Variants in MID1 observed in about 807,000 individuals in gnomAD.
MID1 encodes the protein midline 1.
A neutral mutation model predicts 40.4 loss-of-function variants in MID1; 7 were observed. That is an observed-to-expected ratio of 0.17 (90% CI 0.10 to 0.33). The LOEUF (loss-of-function observed/expected upper bound fraction) is 0.33, where lower values mean the gene tolerates loss of function less well. MID1 is among the 10% of genes least tolerant of loss of function. The pLI is 1.00. For missense variants in MID1, 367 were observed against 558.5 expected (o/e 0.66, Z 3.46); for synonymous variants, 229 against 221.2 (o/e 1.04, Z -0.31).
At chrX:10,712,728 T>C (rs2043277426) in intron 1 of MID1, among the ~76,000 whole-genome samples, 1 of 111,947 alleles carries the variant, frequency 8.9e-6, no homozygotes, top group African/African-American at 3.2e-5. Flanking sequence ...AGCAGGAGCA[T>C]CACCTGGGAA....
intron 1 of MID1, among the ~76,000 whole-genome samples, chrX:10,756,300 T>C (rs2043632498): frequency 8.9e-6 from 1 of 112,624 alleles, no homozygotes; most frequent in Admixed American, 9.4e-5. Flanking sequence ...TGTAATGTAA[T>C]CATACACAAG....
At chrX:10,638,130 ATATTC>A (rs1936141619) in intron 1 of MID1, among the ~76,000 whole-genome samples, 1 of 111,816 alleles carries the variant, frequency 8.9e-6, no homozygotes. Context: ...AGCTCCCAGC[ATATTC>A]CAACTGAGGT....
rs182804610 is a variant in MID1 at position 10,667,698 on chromosome X, C to A, written c.-186-47279G>T. 3.6e-5 allele frequency among the ~76,000 whole-genome samples: 4 copies of A among 111,206 alleles called. No homozygotes were observed. In the East Asian group the frequency reaches 1.1e-3, roughly 31 times the overall value. ...GGGACCAGAATCGCAATGATTAATT[C>A]GCTGCTTGAGTAATTTCCCCAAAGC... On this transcript the variant is annotated intron_variant, in intron 1 of 10. Coordinates refer to the MID1 transcript ENST00000380785.
chrX:10,672,156 T>C (rs1261209029), intron 1 of MID1, among the ~76,000 whole-genome samples: 1 of 110,095 alleles, frequency 9.1e-6, no homozygotes, highest in African/African-American at 3.3e-5. Context: ...CCACAGGAAG[T>C]TGAGGCTGCA....
chrX:10,643,524 G>A (rs995892167), intron 1 of MID1, among the ~76,000 whole-genome samples: 2 of 112,039 alleles, frequency 1.8e-5, no homozygotes, highest in Non-Finnish European at 3.8e-5. Context: ...AACAGGTGCT[G>A]GAGAGCATGT....
At position 10,679,048 on chromosome X, in the gene MID1, C is replaced by A. The variant is rs974145879; in HGVS notation, c.-186-58629G>T. Among the ~76,000 whole-genome samples, 13 of 111,925 alleles carry A rather than the reference C, an allele frequency of 1.2e-4. No homozygotes were observed. In the East Asian group the frequency reaches 3.6e-3, roughly 31 times the overall value. ...CCCACTTCTAGGCACCTATTCTACA[C>A]AATCACCAGAGAAAGCAAGAAATGT... is the stretch of plus-strand genomic sequence containing the variant. On this transcript the variant is annotated intron_variant, in intron 1 of 10. Coordinates refer to the MID1 transcript ENST00000380785.
At chrX:10,580,098 T>C (rs1346977821) in intron 1 of MID1, among the ~76,000 whole-genome samples, 2 of 94,102 alleles carry the variant, frequency 2.1e-5, no homozygotes, top group East Asian at 6.1e-4. Context: ...AAAATTAGGT[T>C]ATCATTAAAA....
intron 9 of MID1, among the ~76,000 whole-genome samples, chrX:10,454,385 A>G (rs972603290): frequency 1.8e-5 from 2 of 112,204 alleles, no homozygotes; most frequent in Non-Finnish European, 3.7e-5. Flanking sequence ...GGAAAGGACC[A>G]GAAAGTAAGT....
chrX:10,587,300 G>C lies in MID1; in HGVS notation c.-56-19697C>G, dbSNP rs1402748946. On this transcript the variant is annotated intron_variant, in intron 1 of 9. Transcript: ENST00000317552. The stretch of plus-strand genomic sequence containing the variant: ...CACACATCCGCGTGAGGATGAACAA[G>C]GGCTGACTGATTGATAAGCTCTTGA... Among the ~76,000 whole-genome samples the C allele has an allele frequency of 5.3e-5, 6 of 112,769 alleles. No homozygotes were observed. In the Admixed American group the frequency reaches 5.6e-4, roughly 10 times the overall value.
chrX:10,771,658 A>ATTTTTTT (rs765034374), intron 1 of MID1, among the ~76,000 whole-genome samples: 8 of 82,290 alleles, frequency 9.7e-5, no homozygotes, highest in African/African-American at 1.9e-4. Context: ...TGCCTGGCTA[A>ATTTTTTT]TTTTTTTTTT....
At chrX:10,568,653 G>C (rs1268346986) in intron 1 of MID1, among the ~76,000 whole-genome samples, 4 of 110,942 alleles carry the variant, frequency 3.6e-5, no homozygotes, top group African/African-American at 1.3e-4. Context: ...ACCTCTGCTA[G>C]CTATGTTGCT....
chrX:10,620,592 G>A (rs1018288293), upstream of MID1: 2 of 112,253 alleles, frequency 1.8e-5, no homozygotes, highest in Admixed American at 9.5e-5. Context: ...TCTCAGAGAC[G>A]TTGTAGGTGG....
chrX:10,622,369 A>C (rs1935944652), upstream of MID1, among the ~76,000 whole-genome samples: 1 of 111,214 alleles, frequency 9.0e-6, no homozygotes, highest in Admixed American at 9.5e-5. Flanking sequence ...TCAAAGGTAA[A>C]TATGAGCTGG....
chrX:10,501,657 G>A, intron 3 of MID1: 1 of 713,642 alleles, frequency 1.4e-6, no homozygotes. Flanking sequence ...ATTCAGCATT[G>A]AGGGTCACTC....
chrX:10,819,830 C>T (rs1270396685), intron 1 of MID1, among the ~76,000 whole-genome samples: 1 of 111,880 alleles, frequency 8.9e-6, no homozygotes, highest in Non-Finnish European at 1.9e-5. Context: ...GAGTAATCTT[C>T]CAGATGGCTT....
intron 1 of MID1, among the ~76,000 whole-genome samples, chrX:10,698,003 A>T (rs2043171857): frequency 8.9e-6 from 1 of 112,720 alleles, no homozygotes; most frequent in Non-Finnish European, 1.9e-5. Context: ...GTATGTAGAG[A>T]GGCATAGACT....
intron 1 of MID1, among the ~76,000 whole-genome samples, chrX:10,692,723 T>C (rs1161412207): frequency 1.8e-5 from 2 of 112,376 alleles, no homozygotes; most frequent in African/African-American, 6.5e-5. Context: ...TTGAATTCAC[T>C]ATATTTCACA....
rs200341008 is a variant in MID1, at chrX:10,523,088, T to G, written c.756+4A>C. On this transcript the variant is annotated splice_donor_region_variant and intron_variant, in intron 3 of 9. Coordinates refer to ENST00000317552, the MANE Select transcript of MID1 (RefSeq NM_000381.4). ...ATACCATACAGAAATACAGAGATAC[T>G]CACTTCAACATGTTGACAGGTTTGG... The G allele has an allele frequency of 8.5e-7, 1 of 1,170,314 alleles. No homozygotes were observed. The highest frequency in any genetic ancestry group is 1.8e-5 in the African/African-American group (1 of 55,773).
At chrX:10,513,740 C>T (rs1411448499) in intron 3 of MID1, among the ~76,000 whole-genome samples, 2 of 111,894 alleles carry the variant, frequency 1.8e-5, no homozygotes, top group African/African-American at 6.5e-5. Context: ...AACTCCTGAC[C>T]TCAGGTGATC....
Sources: gnomAD v4.1 joint callset for allele counts (sites outside exome capture counted in the v4.1 genomes callset) on GRCh38, gnomAD v4.1.1 for gene constraint, MANE v1.5 for transcripts, NCBI Gene and HGNC (gene_info 2026-07-23, HGNC 2026-07-21) for gene names.